PSTPIP2: variants seen among roughly 807,000 people sequenced by gnomAD.
PSTPIP2 encodes the protein proline-serine-threonine phosphatase interacting protein 2.
Under a neutral mutation model 63.3 loss-of-function variants are expected in PSTPIP2, and 33 were observed. That is an observed-to-expected ratio of 0.52 (90% confidence interval 0.40 to 0.70). PSTPIP2 has a LOEUF of 0.70. Among genes scored for constraint, PSTPIP2 ranks in the 30% least tolerant of loss-of-function variants. PSTPIP2 has a pLI of 0.00. For synonymous variants in PSTPIP2, 125 were observed against 132.7 expected (o/e 0.94, Z 0.40); for missense variants, 312 against 400.7 (o/e 0.78, Z 1.89).
At position 46,015,892 on chromosome 18, in the gene PSTPIP2, A is replaced by G. The variant is rs2051847960; in HGVS notation, c.247+11T>C. ...GCAGTGAATACATTTTTTAAAAAAA[A>G]AATCACTTACGCTGCTTGAAGACTT... On this transcript the variant is annotated intron_variant, in intron 4 of 14. Coordinates refer to ENST00000409746, the MANE Select transcript of PSTPIP2 (RefSeq NM_024430.4). The G allele has an allele frequency of 6.2e-7, 1 of 1,610,466 alleles. No homozygotes were observed. Among genetic ancestry groups the G allele is most frequent in the Non-Finnish European group, 8.5e-7 (1 of 1,177,920 alleles).
At chr18:46,069,971 G>A (rs1304108237) in intron 1 of PSTPIP2, among the ~76,000 whole-genome samples, 1 of 152,118 alleles carries the variant, frequency 6.6e-6, no homozygotes, top group African/African-American at 2.4e-5. Flanking sequence ...GCAACTATAG[G>A]TGCTCTCTGT....
At chr18:46,069,631 T>A (rs1014816329) in intron 1 of PSTPIP2, among the ~76,000 whole-genome samples, 2 of 152,252 alleles carry the variant, frequency 1.3e-5, no homozygotes, top group African/African-American at 4.8e-5. Context: ...CGAAGATTTC[T>A]TTAAATAAAT....
chr18:46,016,259 G>A (rs1599716756), intron 3 of PSTPIP2: 2 of 246,814 alleles, frequency 8.1e-6, no homozygotes, highest in East Asian at 1.6e-4. Context: ...GTATGGCAAG[G>A]AGGCTGAGGC....
In PSTPIP2 at chr18:46,022,212, A is replaced by C. The variant is rs535272985; in HGVS notation, c.212+2397T>G. Among the ~76,000 whole-genome samples, 24 of 152,258 alleles carry C rather than the reference A, an allele frequency of 1.6e-4. No individual in the cohort carries two copies. In the South Asian group the frequency reaches 5.0e-3, roughly 32 times the overall value. The stretch of plus-strand genomic sequence containing the variant: ...GTTTATATAACTATTAATATTTTCA[A>C]TATCTCCCAATGTTTTCCTCCTCAG... On this transcript the variant is annotated intron_variant, in intron 3 of 14. Coordinates refer to ENST00000409746, the MANE Select transcript of PSTPIP2 (RefSeq NM_024430.4).
chr18:45,984,227 A>G lies in PSTPIP2; in HGVS notation c.*1232T>C, dbSNP rs1228520646. ...CATAGTTCTGGAAAAGCTACTGCAC[A>G]GAGCAGGAGAGGAAACTATTTGCTC... On this transcript the variant is annotated 3_prime_UTR_variant, in exon 15 of 15. Coordinates refer to ENST00000409746, the MANE Select transcript of PSTPIP2 (RefSeq NM_024430.4). The G allele has an allele frequency of 1.3e-5, 2 of 152,234 alleles. No homozygotes were observed. The highest frequency in any genetic ancestry group is 6.5e-5 in the Admixed American group (1 of 15,282). The allele number at this position is 152,234 out of a possible 1,614,324, so 9.4% of individuals were successfully genotyped here. A position where few individuals can be genotyped will look rare whatever the true frequency, so the allele number is the denominator to read the frequency against.
At chr18:46,043,224 T>TA (rs34454812) in intron 1 of PSTPIP2, among the ~76,000 whole-genome samples, 28,850 of 77,198 alleles carry the variant, frequency 0.37, 6,701 homozygotes, top group African/African-American at 0.42. Flanking sequence ...CACCTCTCCT[T>TA]AAAAAAAAAA....
chr18:46,026,391 C>A (rs1907580135), intron 2 of PSTPIP2, among the ~76,000 whole-genome samples: 1 of 152,186 alleles, frequency 6.6e-6, no homozygotes, highest in Non-Finnish European at 1.5e-5. Flanking sequence ...TATCATCCAA[C>A]TTTTTAACTG....
intron 3 of PSTPIP2, among the ~76,000 whole-genome samples, chr18:46,021,079 T>G (rs745548440): frequency 3.1e-4 from 47 of 152,262 alleles, no homozygotes; most frequent in Non-Finnish European, 6.0e-4. Context: ...ACTGACCCAC[T>G]TATCTTCCAT....
At chr18:46,054,450 T>A (rs886284721) in intron 1 of PSTPIP2, among the ~76,000 whole-genome samples, 1 of 152,166 alleles carries the variant, frequency 6.6e-6, no homozygotes, top group African/African-American at 2.4e-5. Flanking sequence ...TATTCATTTG[T>A]CAAAACCCAT....
At chr18:45,993,513 G>A in intron 10 of PSTPIP2, 92 bp downstream of exon 10, 1 of 1,246,076 alleles carries the variant, frequency 8.0e-7, no homozygotes. Context: ...ACTTCACCAA[G>A]GGCAAAGTGA....
intron 2 of PSTPIP2, among the ~76,000 whole-genome samples, chr18:46,035,022 G>T (rs1907916412): frequency 6.6e-6 from 1 of 152,124 alleles, no homozygotes. Context: ...GGATCTGAGG[G>T]TGGGAGAGTC....
chr18:45,993,173 C>A (rs1209712776), intron 10 of PSTPIP2, among the ~76,000 whole-genome samples: 2 of 152,184 alleles, frequency 1.3e-5, no homozygotes, highest in African/African-American at 2.4e-5. Flanking sequence ...TGGCTCACTG[C>A]AGCCTCCGCC....
intron 1 of PSTPIP2, among the ~76,000 whole-genome samples, chr18:46,069,270 C>A (rs1405873182): frequency 6.6e-6 from 1 of 152,180 alleles, no homozygotes; most frequent in Non-Finnish European, 1.5e-5. Context: ...GGAATTTTTT[C>A]TCATTGTGGC....
chr18:46,065,144 C>CAA (rs35144990), intron 1 of PSTPIP2, among the ~76,000 whole-genome samples: 18 of 80,770 alleles, frequency 2.2e-4, no homozygotes, highest in South Asian at 4.5e-4. Context: ...AACTCTGTCT[C>CAA]AAAAAAAAAA....
chr18:46,003,511 T>C (rs1293322433), intron 6 of PSTPIP2, among the ~76,000 whole-genome samples: 1 of 152,232 alleles, frequency 6.6e-6, no homozygotes, highest in Non-Finnish European at 1.5e-5. Context: ...GTTTCTGTCC[T>C]GCTAGGCTGC....
intron 4 of PSTPIP2, among the ~76,000 whole-genome samples, chr18:46,011,872 A>T (rs1374531588): frequency 1.3e-5 from 2 of 152,250 alleles, no homozygotes; most frequent in African/African-American, 4.8e-5. Context: ...AAAGCTAAAA[A>T]GTCTGACAGA....
intron 5 of PSTPIP2, among the ~76,000 whole-genome samples, chr18:46,008,327 T>C (rs1183070550): frequency 6.6e-6 from 1 of 152,090 alleles, no homozygotes; most frequent in Non-Finnish European, 1.5e-5. Context: ...TTTTTATTTT[T>C]TGTTTTTTTG....
intron 1 of PSTPIP2, among the ~76,000 whole-genome samples, chr18:46,050,673 T>C (rs1385715844): frequency 6.6e-6 from 1 of 152,124 alleles, no homozygotes; most frequent in Non-Finnish European, 1.5e-5. Flanking sequence ...TGAACAGATA[T>C]TAGAACAAAG....
chr18:46,012,198 C>T (rs1200579813), intron 4 of PSTPIP2, among the ~76,000 whole-genome samples: 1 of 151,984 alleles, frequency 6.6e-6, no homozygotes, highest in African/African-American at 2.4e-5. Context: ...GTAAACCTTT[C>T]AGTTGGGCAA....
Sources: allele counts gnomAD v4.1 joint callset (sites outside exome capture counted in the v4.1 genomes callset), GRCh38; gene constraint gnomAD v4.1.1; transcripts MANE v1.5; gene names NCBI Gene and HGNC (gene_info 2026-07-23, HGNC 2026-07-21).